MRPL3: variants seen among roughly 807,000 people sequenced by gnomAD.
MRPL3 encodes large ribosomal subunit protein uL3m.
Under a neutral mutation model 44.3 loss-of-function variants are expected in MRPL3, and 43 were observed. That is an observed-to-expected ratio of 0.97 (90% CI 0.76 to 1.25). The LOEUF is 1.25. MRPL3 is among the 50% of genes most tolerant of loss of function. MRPL3 has a pLI of 0.00. For missense variants in MRPL3, 406 were observed against 427.6 expected (o/e 0.95, Z 0.45); for synonymous variants, 171 against 152.3 (o/e 1.12, Z -0.91).
In MRPL3 at chr3:131,484,474, C is replaced by A. The variant is rs138697126; in HGVS notation, c.629+3206G>T. On this transcript the variant is annotated intron_variant, in intron 6 of 9. Transcript: ENST00000264995. Reference sequence around the variant, plus strand: ...TCACTCCCTTAACCATGGCACTGCACATATTGTTCCCCTAGTGTTCACCCT... The same window carrying A: ...TCACTCCCTTAACCATGGCACTGCAAATATTGTTCCCCTAGTGTTCACCCT... Among the ~76,000 whole-genome samples, 1,107 of 152,230 alleles carry A rather than the reference C, an allele frequency of 7.3e-3. 15 individuals carry two copies. Among genetic ancestry groups the A allele is most frequent in the African/African-American group, 0.024 (996 of 41,534 alleles).
At position 131,470,904 on chromosome 3, in the gene MRPL3, A is replaced by T. The variant is rs145848434; in HGVS notation, c.738+267T>A. On this transcript the variant is annotated intron_variant, in intron 7 of 9. Coordinates refer to ENST00000264995, the MANE Select transcript of MRPL3 (RefSeq NM_007208.4). ...TAATTCAAAAGACAAACTGAATTCA[A>T]CATTTGCACAAAGTACATTTTAAAT... 0.013 allele frequency among the ~76,000 whole-genome samples: 1,906 copies of T among 152,282 alleles called. 18 individuals are homozygous for T. The highest frequency in any genetic ancestry group is 0.035 in the East Asian group (182 of 5,176).
At chr3:131,467,511 T>C (rs1201586355) in intron 9 of MRPL3, among the ~76,000 whole-genome samples, 1 of 152,078 alleles carries the variant, frequency 6.6e-6, no homozygotes, top group Non-Finnish European at 1.5e-5. Flanking sequence ...TGGGAAGTGA[T>C]TGGATCATGG....
intron 6 of MRPL3, among the ~76,000 whole-genome samples, chr3:131,485,835 T>C (rs1934105445): frequency 6.6e-6 from 1 of 152,184 alleles, no homozygotes; most frequent in Admixed American, 6.5e-5. Flanking sequence ...AAAGTGATAC[T>C]AGCACTCCCC....
chr3:131,467,237 C>T (rs1933630373), intron 9 of MRPL3, among the ~76,000 whole-genome samples: 1 of 134,238 alleles, frequency 7.4e-6, no homozygotes, highest in South Asian at 2.4e-4. Flanking sequence ...CAGCCATACG[C>T]GCGCACACAC....
chr3:131,482,555 C>T (rs912212357), intron 6 of MRPL3, among the ~76,000 whole-genome samples: 1 of 151,726 alleles, frequency 6.6e-6, no homozygotes, highest in Admixed American at 6.6e-5. Flanking sequence ...ATAACATTGT[C>T]AACTAGTTAT....
chr3:131,463,881 AC>A (rs1409781632), intron 9 of MRPL3, among the ~76,000 whole-genome samples: 1 of 152,186 alleles, frequency 6.6e-6, no homozygotes, highest in Non-Finnish European at 1.5e-5. Context: ...GTAATTATAT[AC>A]ACGAGTAAAA....
At chr3:131,499,874 C>T (rs1934455400) in intron 3 of MRPL3, among the ~76,000 whole-genome samples, 1 of 152,144 alleles carries the variant, frequency 6.6e-6, no homozygotes, top group Non-Finnish European at 1.5e-5. Context: ...AAGTAGCTCA[C>T]AATTATTTCT....
chr3:131,487,666 C>A lies in MRPL3; in HGVS notation c.629+14G>T, dbSNP rs1465071595. Reference sequence around the variant, plus strand: ...GAAAACAAAAGGAAAAGAGAACTCGCTATGAGGACCTACGTTTTGGCTGTG... The same window carrying A: ...GAAAACAAAAGGAAAAGAGAACTCGATATGAGGACCTACGTTTTGGCTGTG... On this transcript the variant is annotated intron_variant, in intron 6 of 9. Transcript: ENST00000264995. The A allele has an allele frequency of 6.2e-7, 1 of 1,603,356 alleles. No individual in the cohort carries two copies. The highest frequency in any genetic ancestry group is 2.2e-5 in the East Asian group (1 of 44,728).
At chr3:131,471,069 T>C (rs1933731809) in intron 7 of MRPL3, 102 bp downstream of exon 7, 3 of 793,212 alleles carry the variant, frequency 3.8e-6, no homozygotes, top group Non-Finnish European at 6.4e-6. Context: ...TCCCCTTGTG[T>C]CAGACTAAAA....
intron 4 of MRPL3, among the ~76,000 whole-genome samples, chr3:131,495,075 G>A (rs893183030): frequency 4.6e-5 from 7 of 152,124 alleles, no homozygotes; most frequent in East Asian, 3.9e-4. Context: ...AAAAGGCAAC[G>A]TAGTCTAATT....
chr3:131,480,535 A>G (rs1933960688), intron 6 of MRPL3, among the ~76,000 whole-genome samples: 1 of 152,240 alleles, frequency 6.6e-6, no homozygotes, highest in African/African-American at 2.4e-5. Flanking sequence ...CAAGGAGTGC[A>G]CTGCTTACGG....
At chr3:131,482,073 A>T (rs967480453) in intron 6 of MRPL3, among the ~76,000 whole-genome samples, 1 of 152,214 alleles carries the variant, frequency 6.6e-6, no homozygotes, top group Non-Finnish European at 1.5e-5. Flanking sequence ...TTAAGAACCC[A>T]TGTTGACAGT....
chr3:131,486,364 C>CAAAAAAA (rs36151946), intron 6 of MRPL3, among the ~76,000 whole-genome samples: 5 of 46,688 alleles, frequency 1.1e-4, no homozygotes, highest in Non-Finnish European at 1.4e-4. Context: ...TTCTGCACGG[C>CAAAAAAA]AAAAAAAAAA....
At position 131,462,875 on chromosome 3, in the gene MRPL3, C is replaced by T. The variant is rs199518804; in HGVS notation, c.895G>A (p.Val299Ile). Reference protein sequence around the residue: ...VPGHKNCLVKVKDSKLPAYKD... With the variant: ...VPGHKNCLVKIKDSKLPAYKD... ...TATGCAGGCAGTTTAGAATCTTTGA[C>T]CTGAGAGAAGGCAAAAATCTTAGTG... is the stretch of plus-strand genomic sequence containing the variant. The change falls in exon 10 of 10, where the codon GTC becomes ATC. Residue 299 changes from valine to isoleucine, a missense_variant and splice_region_variant. Coordinates refer to ENST00000264995, the MANE Select transcript of MRPL3 (RefSeq NM_007208.4). 2 of 1,602,238 alleles carry T rather than the reference C, an allele frequency of 1.2e-6. No individual in the cohort carries two copies. The highest frequency in any genetic ancestry group is 2.7e-5 in the African/African-American group (2 of 74,512).
At chr3:131,490,579 A>G (rs1486759938) in intron 4 of MRPL3, among the ~76,000 whole-genome samples, 1 of 152,224 alleles carries the variant, frequency 6.6e-6, no homozygotes, top group African/African-American at 2.4e-5. Context: ...TTCACACTCT[A>G]TAAGAAAACT....
chr3:131,502,063 G>A (rs146185060), intron 1 of MRPL3: 2 of 664,462 alleles, frequency 3.0e-6, no homozygotes, highest in African/African-American at 1.8e-5. Flanking sequence ...GGCAGAAGGT[G>A]GCATGTTGAT....
At chr3:131,468,990 A>G (rs1304193969) in intron 8 of MRPL3, among the ~76,000 whole-genome samples, 1 of 152,124 alleles carries the variant, frequency 6.6e-6, no homozygotes, top group Non-Finnish European at 1.5e-5. Context: ...TTTAAAACAT[A>G]CATGCAAACA....
intron 1 of MRPL3, 72 bp downstream of exon 1, chr3:131,502,658 C>T: frequency 7.5e-7 from 1 of 1,329,794 alleles, no homozygotes; most frequent in Non-Finnish European, 1.0e-6. Flanking sequence ...CCAGGGGAGG[C>T]CCAACTGCAC....
intron 9 of MRPL3, among the ~76,000 whole-genome samples, chr3:131,465,210 TATTTAGACTCCCGTTTCAG>T (rs1933574078): frequency 6.6e-6 from 1 of 152,210 alleles, no homozygotes; most frequent in South Asian, 2.1e-4. Context: ...TCTCAAAATG[TATTTAGACTCCCGTTTCAG>T]AACTCTTTGG....
Sources: gnomAD v4.1 joint callset for allele counts (sites outside exome capture counted in the v4.1 genomes callset) on GRCh38, gnomAD v4.1.1 for gene constraint, MANE v1.5 for transcripts, NCBI Gene and HGNC (gene_info 2026-07-23, HGNC 2026-07-21) for gene names.